The following CDX4 variants were observed in gnomAD, a reference collection of about 807,000 sequenced individuals.
CDX4 encodes homeobox protein CDX-4.
In CDX4, 11 loss-of-function variants were observed where a neutral mutation model predicts 14.1. That is an observed-to-expected ratio of 0.78 (90% confidence interval 0.49 to 1.29). The LOEUF (loss-of-function observed/expected upper bound fraction) is 1.29, where lower values mean the gene tolerates loss of function less well. CDX4 is among the 50% of genes most tolerant of loss of function. The pLI, the probability that CDX4 is intolerant of heterozygous loss-of-function variation, is 0.00. For missense variants in CDX4, 257 were observed against 237.4 expected, an observed-to-expected ratio of 1.08 and a Z score of -0.54; for synonymous variants, 100 against 93.5, an observed-to-expected ratio of 1.07 and a Z score of -0.40.
At position 73,447,317 on chromosome X, in the gene CDX4, G is replaced by T. The variant is rs1243376766; in HGVS notation, c.64G>T (p.Gly22Trp). ...GTACCCGGGCACTCTCATGAGCCCT[G>T]GGGGCGACGGCACAGCTGGGACAGG... ...GMYPGTLMSPGGDGTAGTGGT... is the reference protein window; with the variant it reads ...GMYPGTLMSPWGDGTAGTGGT... The change falls in exon 1 of 3, where the codon GGG becomes TGG. Residue 22 changes from glycine to tryptophan, a missense_variant. Coordinates refer to ENST00000373514, the MANE Select transcript of CDX4 (RefSeq NM_005193.2). 8.3e-7 allele frequency: 1 copy of T among 1,209,092 alleles called. No homozygotes were observed. Among genetic ancestry groups the T allele is most frequent in the Non-Finnish European group, 1.1e-6 (1 of 894,659 alleles).
In CDX4 at chrX:73,453,527, G is replaced by C. The variant is rs1423229477; in HGVS notation, c.513G>C (p.Arg171Ser). 8.3e-7 allele frequency: 1 copy of C among 1,198,701 alleles called. No individual in the cohort carries two copies. The highest frequency in any genetic ancestry group is 2.3e-5 in the Admixed American group (1 of 44,404). ...RKTVQVTGKT[R>S]TKEKYRVVYT... ...TTTCTCTCCTAACAGGGAAAACCAG[G>C]ACAAAAGAAAAGTATCGTGTAGTTT... Residue 171 changes from arginine to serine, a missense_variant, in exon 2 of 3, where the codon AGG (arginine) becomes AGC (serine). Physicochemically the swap from Arg to Ser is moderately radical, Grantham distance 110 (BLOSUM62 -1). Coordinates refer to ENST00000373514, the MANE Select transcript of CDX4 (RefSeq NM_005193.2).
Sources: gnomAD v4.1 joint callset for allele counts on GRCh38, gnomAD v4.1.1 for gene constraint, MANE v1.5 for transcripts, NCBI Gene and HGNC (gene_info 2026-07-23, HGNC 2026-07-21) for gene names.